The following EPB41 variants were observed in gnomAD, a reference collection of about 807,000 sequenced individuals.
EPB41 encodes the protein protein 4.1.
Under a neutral mutation model 108.0 loss-of-function variants are expected in EPB41, and 65 were observed. The observed-to-expected ratio is 0.60, with a 90% CI of 0.49 to 0.74. EPB41 has a LOEUF of 0.74. Ranked by LOEUF, EPB41 falls within the 30% of genes least tolerant of loss-of-function variation. EPB41 has a pLI of 0.00. For synonymous variants in EPB41, 336 were observed against 358.9 expected, an observed-to-expected ratio of 0.94 and a Z score of 0.72; for missense variants, 875 against 1,037.0, an observed-to-expected ratio of 0.84 and a Z score of 2.15.
At chr1:29,093,566 T>C (rs1442527378) in intron 16 of EPB41, among the ~76,000 whole-genome samples, 2 of 152,204 alleles carry the variant, frequency 1.3e-5, no homozygotes, top group African/African-American at 4.8e-5. Flanking sequence ...ATTTGTCAAT[T>C]TTTGCTTTTG....
At chr1:29,095,933 A>G (rs1553301631) in intron 16 of EPB41, among the ~76,000 whole-genome samples, 1 of 152,210 alleles carries the variant, frequency 6.6e-6, no homozygotes, top group African/African-American at 2.4e-5. Flanking sequence ...CAGATTAACA[A>G]TGATATAGAA....
At chr1:28,893,428 T>A (rs988087580) in intron 1 of EPB41, 2 of 152,264 alleles carry the variant, frequency 1.3e-5, no homozygotes, top group Non-Finnish European at 2.9e-5. Context: ...AATTCAGTAG[T>A]TATTTACATG....
At chr1:29,023,687 C>CA (rs568486884) in intron 7 of EPB41, among the ~76,000 whole-genome samples, 5 of 149,938 alleles carry the variant, frequency 3.3e-5, no homozygotes, top group East Asian at 2.0e-4. Context: ...AACTCCGTCT[C>CA]AAAAAAAAGA....
At chr1:29,012,505 C>T (rs1472347315) in intron 5 of EPB41, among the ~76,000 whole-genome samples, 2 of 152,184 alleles carry the variant, frequency 1.3e-5, no homozygotes, top group Admixed American at 6.5e-5. Context: ...TCCCGCTTTA[C>T]ACCCTGATCA....
At chr1:29,096,557 G>A in intron 16 of EPB41, 1 of 985,724 alleles carries the variant, frequency 1.0e-6, no homozygotes, top group Non-Finnish European at 1.2e-6. Flanking sequence ...ATCATTTCTT[G>A]ACTTTCATGT....
At chr1:28,930,209 T>A (rs2148514782) in intron 1 of EPB41, among the ~76,000 whole-genome samples, 1 of 147,140 alleles carries the variant, frequency 6.8e-6, no homozygotes, top group South Asian at 2.2e-4. Flanking sequence ...CAGGCTGGAG[T>A]GCAGTGGCAC....
intron 16 of EPB41, among the ~76,000 whole-genome samples, chr1:29,080,132 A>ATTTATTTATTTG (rs1035510682): frequency 1.3e-5 from 2 of 150,732 alleles, no homozygotes; most frequent in East Asian, 3.9e-4. Flanking sequence ...TTATTTATTT[A>ATTTATTTATTTG]TTTTGAGACG....
intron 1 of EPB41, among the ~76,000 whole-genome samples, chr1:28,938,797 T>C (rs1409239055): frequency 2.0e-5 from 3 of 152,182 alleles, no homozygotes; most frequent in South Asian, 4.1e-4. Context: ...TGAGCCACCA[T>C]AACTGTCCTG....
Position 29,058,979 on chromosome 1 carries a change from A to G in EPB41, c.1944+127A>G, listed in dbSNP as rs368992576. On this transcript the variant is annotated intron_variant, in intron 14 of 20. Coordinates refer to ENST00000343067, the MANE Select transcript of EPB41 (RefSeq NM_001376013.1). Reference sequence around the variant, plus strand: ...TTAATCAGGAGTTGTTAATAGTTTCAAATAATGGATATGGGCCAGGAGCAT... The same window carrying G: ...TTAATCAGGAGTTGTTAATAGTTTCGAATAATGGATATGGGCCAGGAGCAT... The G allele has an allele frequency of 3.2e-4, 295 of 911,386 alleles. No individual in the cohort carries two copies. The African/African-American group carries it at 4.4e-3, about 13-fold the overall frequency. 56.5% of individuals were successfully genotyped at this position (911,386 alleles called of 1,614,324 possible). A position where few individuals can be genotyped will look rare whatever the true frequency, so the allele number is the denominator to read the frequency against.
chr1:29,068,632 G>A (rs952909057), intron 16 of EPB41: 7 of 662,980 alleles, frequency 1.1e-5, no homozygotes, highest in Middle Eastern at 4.7e-4. Context: ...TTTAACAATT[G>A]GGATACTATT....
rs1364957765 is a variant in EPB41 at position 29,065,148 on chromosome 1, CAGG to C, written c.2177_2179del (p.Gly726del). On this transcript the variant is annotated inframe_deletion, in exon 16 of 21. Coordinates refer to ENST00000343067, the MANE Select transcript of EPB41 (RefSeq NM_001376013.1). ...CTTAACATCAATGGGCAAATCCCCACAGGAGAAGGAGTGAGTACTTTGTCCACA... is the reference window on the plus strand; with the variant it reads ...CTTAACATCAATGGGCAAATCCCCACAGAAGGAGTGAGTACTTTGTCCACA... The C allele has an allele frequency of 3.1e-6, 5 of 1,602,084 alleles. No individual in the cohort carries two copies. The African/African-American group carries it at 6.7e-5, about 21-fold the overall frequency.
At chr1:29,114,488 C>G (rs1445362819) in intron 19 of EPB41, among the ~76,000 whole-genome samples, 2 of 151,930 alleles carry the variant, frequency 1.3e-5, no homozygotes, top group African/African-American at 2.4e-5. Context: ...ACTAAAAATA[C>G]AAAAATTAGC....
rs781498835 is a variant in EPB41, at chr1:29,109,390, A to G, written c.2368A>G (p.Ile790Val). 3.7e-6 allele frequency: 6 copies of G among 1,614,106 alleles called. No homozygotes were observed. The highest frequency in any genetic ancestry group is 1.7e-5 in the Admixed American group (1 of 60,006). ...DPGVLLTAQT[I>V]TSETPSSTTT... Reference sequence around the variant, plus strand: ...AGGAGTCTTGCTGACAGCTCAAACTATCACATCTGAGACCCCAAGCAGCAC... The same window carrying G: ...AGGAGTCTTGCTGACAGCTCAAACTGTCACATCTGAGACCCCAAGCAGCAC... Residue 790 changes from isoleucine to valine, a missense_variant, in exon 18 of 21, where the codon ATC becomes GTC. Transcript: ENST00000343067.
chr1:28,940,706 T>G (rs2094247067), intron 1 of EPB41, among the ~76,000 whole-genome samples: 1 of 152,158 alleles, frequency 6.6e-6, no homozygotes, highest in African/African-American at 2.4e-5. Context: ...GGGAAACTGT[T>G]CTAGACTGGT....
At chr1:29,102,079 G>A (rs1329980062) in intron 17 of EPB41, among the ~76,000 whole-genome samples, 2 of 152,118 alleles carry the variant, frequency 1.3e-5, no homozygotes, top group Non-Finnish European at 2.9e-5. Flanking sequence ...GAAAAAGAAA[G>A]GAATAGGAAA....
At chr1:29,019,339 C>T (rs1312471761) in intron 7 of EPB41, among the ~76,000 whole-genome samples, 2 of 152,088 alleles carry the variant, frequency 1.3e-5, no homozygotes, top group Non-Finnish European at 2.9e-5. Context: ...GTCAAGGCTG[C>T]CATGAGCTGA....
chr1:28,973,086 T>C (rs1321384841), intron 1 of EPB41, among the ~76,000 whole-genome samples: 1 of 152,202 alleles, frequency 6.6e-6, no homozygotes, highest in Non-Finnish European at 1.5e-5. Flanking sequence ...TCCTGTGGTT[T>C]TGGGGGATTG....
chr1:28,968,054 G>C (rs997764734), intron 1 of EPB41, among the ~76,000 whole-genome samples: 7 of 151,968 alleles, frequency 4.6e-5, no homozygotes, highest in Non-Finnish European at 8.8e-5. Flanking sequence ...CCTTTGCAAG[G>C]CTGTTTTTAA....
intron 16 of EPB41, among the ~76,000 whole-genome samples, chr1:29,086,395 T>A (rs1028754726): frequency 6.6e-6 from 1 of 151,220 alleles, no homozygotes; most frequent in Non-Finnish European, 1.5e-5. Flanking sequence ...TGCCTCATCC[T>A]CCGGAGTAGC....
Sources: allele counts gnomAD v4.1 joint callset (sites outside exome capture counted in the v4.1 genomes callset), GRCh38; gene constraint gnomAD v4.1.1; transcripts MANE v1.5; gene names NCBI Gene and HGNC (gene_info 2026-07-23, HGNC 2026-07-21).